Variants in COPZ1 observed in about 807,000 individuals in gnomAD.
COPZ1 encodes coatomer subunit zeta-1.
In COPZ1, 4 loss-of-function variants were observed where a neutral mutation model predicts 31.7. The ratio of observed to expected loss-of-function variants is 0.13; its 90% CI spans 0.06 to 0.29. The LOEUF is 0.29. Among genes scored for constraint, COPZ1 ranks in the 10% least tolerant of loss-of-function variants. The probability of loss-of-function intolerance (pLI) is 1.00; values close to 1 mark genes in which losing one functional copy is unlikely to be tolerated. For synonymous variants in COPZ1, 74 were observed against 79.0 expected, an observed-to-expected ratio of 0.94 and a Z score of 0.33; for missense variants, 156 against 211.5, an observed-to-expected ratio of 0.74 and a Z score of 1.63.
chr12:54,344,116 A>G (rs573719255), intron 4 of COPZ1, among the ~76,000 whole-genome samples: 1 of 152,326 alleles, frequency 6.6e-6, no homozygotes, highest in East Asian at 1.9e-4. Context: ...TTGGATTCCA[A>G]CCCATATCTG....
chr12:54,349,021 C>T (rs1331084650), intron 7 of COPZ1, among the ~76,000 whole-genome samples: 1 of 152,186 alleles, frequency 6.6e-6, no homozygotes. Flanking sequence ...AGAGTGAAGG[C>T]TGACAGTGCT....
intron 1 of COPZ1, among the ~76,000 whole-genome samples, chr12:54,337,940 G>A (rs1953902497): frequency 1.3e-5 from 2 of 152,200 alleles, no homozygotes; most frequent in South Asian, 4.1e-4. Flanking sequence ...AGAACCAAGA[G>A]CAGAACCCAG....
rs1218600385 is a variant in COPZ1 at position 54,350,853 on chromosome 12, C to T, written c.*330C>T. ...TTCTGTGCCCTTTGCTGTAGCTACA[C>T]TTCAGATTAAAGTAGGAGAAAGAAT... On this transcript the variant is annotated 3_prime_UTR_variant, in exon 9 of 9. Transcript: ENST00000262061. 2.8e-6 allele frequency: 1 copy of T among 352,730 alleles called. No homozygotes were observed. The highest frequency in any genetic ancestry group is 5.4e-6 in the Non-Finnish European group (1 of 186,692). The allele number at this position is 352,730 out of a possible 1,614,324, so 21.9% of individuals were successfully genotyped here.
At chr12:54,331,149 TA>T (rs1208515513) in intron 1 of COPZ1, among the ~76,000 whole-genome samples, 1 of 152,012 alleles carries the variant, frequency 6.6e-6, no homozygotes, top group Non-Finnish European at 1.5e-5. Context: ...CCTGCTTTTT[TA>T]TTTGGCTTTT....
chr12:54,336,786 G>A (rs1033900331), intron 1 of COPZ1, among the ~76,000 whole-genome samples: 1 of 151,992 alleles, frequency 6.6e-6, no homozygotes, highest in African/African-American at 2.4e-5. Flanking sequence ...CACTTTGGGA[G>A]GCCGAGGCAG....
chr12:54,334,498 G>A (rs533749407), intron 1 of COPZ1, among the ~76,000 whole-genome samples: 4 of 152,188 alleles, frequency 2.6e-5, no homozygotes, highest in African/African-American at 9.6e-5. Context: ...TTCATCTGAA[G>A]TCTATCGGAT....
intron 1 of COPZ1, among the ~76,000 whole-genome samples, chr12:54,332,761 A>AAAGCT (rs1189616194): frequency 6.6e-6 from 1 of 151,570 alleles, no homozygotes; most frequent in African/African-American, 2.4e-5. Context: ...AAAAAAAAAG[A>AAAGCT]AAGCTGGAGG....
chr12:54,344,250 C>A (rs148259890), intron 4 of COPZ1, among the ~76,000 whole-genome samples: 4 of 151,666 alleles, frequency 2.6e-5, no homozygotes, highest in Non-Finnish European at 4.4e-5. Flanking sequence ...CAGGAGTTCG[C>A]GACCAGGCTG....
chr12:54,333,828 T>C (rs1432456283), intron 1 of COPZ1, among the ~76,000 whole-genome samples: 1 of 152,176 alleles, frequency 6.6e-6, no homozygotes. Context: ...TGTGTTGAGT[T>C]TTTTCTTTAT....
intron 2 of COPZ1, among the ~76,000 whole-genome samples, chr12:54,340,856 C>T (rs533540784): frequency 7.2e-5 from 11 of 152,128 alleles, no homozygotes; most frequent in African/African-American, 2.4e-4. Flanking sequence ...CGCGCTACCA[C>T]CCCCGGCTAA....
intron 3 of COPZ1, chr12:54,342,762 G>C (rs1397130680): frequency 5.8e-6 from 1 of 173,714 alleles, no homozygotes; most frequent in East Asian, 1.7e-4. Context: ...CACCCAAAAA[G>C]TGCAGATCAT....
intron 1 of COPZ1, among the ~76,000 whole-genome samples, chr12:54,326,961 CTTTTTTTTTTTTTTTT>C (rs60827109): frequency 0.012 from 508 of 43,544 alleles, 4 homozygotes; most frequent in African/African-American, 0.042. Context: ...AACAAGTATT[CTTTTTTTTTTTTTTTT>C]TTTTTTTTTT....
At chr12:54,330,686 C>G (rs1287306421) in intron 1 of COPZ1, among the ~76,000 whole-genome samples, 4 of 152,118 alleles carry the variant, frequency 2.6e-5, no homozygotes, top group African/African-American at 9.7e-5. Flanking sequence ...GGTTTAGGGT[C>G]TTTTTTATCT....
At chr12:54,342,330 C>G in intron 3 of COPZ1, 43 bp downstream of exon 3, 1 of 1,446,526 alleles carries the variant, frequency 6.9e-7, no homozygotes, top group Non-Finnish European at 9.7e-7. Context: ...TGGGGGGAAC[C>G]ATGGTGGAAA....
intron 1 of COPZ1, among the ~76,000 whole-genome samples, chr12:54,331,258 G>A (rs1018831598): frequency 1.5e-5 from 2 of 131,030 alleles, no homozygotes; most frequent in Non-Finnish European, 1.5e-5. Flanking sequence ...TTGGCTCACC[G>A]CAACCTTTGC....
At chr12:54,350,189 CG>C (rs1954123974) in intron 8 of COPZ1, 2 of 690,560 alleles carry the variant, frequency 2.9e-6, no homozygotes, top group Non-Finnish European at 5.3e-6. Context: ...GCCCCCTGCC[CG>C]CCGCCCCTTT....
chr12:54,345,448 G>A lies in COPZ1; in HGVS notation c.262-12G>A. 6.2e-7 allele frequency: 1 copy of A among 1,611,686 alleles called. No homozygotes were observed. The highest frequency in any genetic ancestry group is 8.5e-7 in the Non-Finnish European group (1 of 1,178,026). ...TGAACCTTATCCTTCTGCCTCCTCT[G>A]TTTCCCAACAGCTGATGCTTATGGC... is the stretch of plus-strand genomic sequence containing the variant. On this transcript the variant is annotated splice_polypyrimidine_tract_variant and intron_variant, in intron 4 of 8. Transcript: ENST00000262061.
At chr12:54,349,731 C>T in intron 8 of COPZ1, 73 bp downstream of exon 8, 1 of 1,179,454 alleles carries the variant, frequency 8.5e-7, no homozygotes, top group Non-Finnish European at 1.3e-6. Context: ...CCACCCATAC[C>T]TCTCAAATCT....
Position 54,350,465 on chromosome 12 carries a change from T to C in COPZ1, c.487-11T>C, listed in dbSNP as rs1474013381. ...AGCAAGCTTTCCTCAATGCTGCTCTTATCTCTGCAGGTGCTGCAGTCAGCC... is the reference window on the plus strand; with the variant it reads ...AGCAAGCTTTCCTCAATGCTGCTCTCATCTCTGCAGGTGCTGCAGTCAGCC... On this transcript the variant is annotated splice_polypyrimidine_tract_variant and intron_variant, in intron 8 of 8. Transcript: ENST00000262061. 2 of 1,613,548 alleles carry C rather than the reference T, an allele frequency of 1.2e-6. No homozygotes were observed. Among genetic ancestry groups the C allele is most frequent in the African/African-American group, 2.7e-5 (2 of 74,912 alleles).
Sources: allele counts gnomAD v4.1 joint callset (sites outside exome capture counted in the v4.1 genomes callset), GRCh38; gene constraint gnomAD v4.1.1; transcripts MANE v1.5; gene names NCBI Gene and HGNC (gene_info 2026-07-23, HGNC 2026-07-21).